Variants in MZT2A observed in about 807,000 individuals in gnomAD.
MZT2A encodes the protein mitotic-spindle organizing protein 2A.
A neutral mutation model predicts 12.4 loss-of-function variants in MZT2A; 8 were observed. That is an observed-to-expected ratio of 0.64 (90% CI 0.38 to 1.16). The LOEUF is 1.16. Ranked by LOEUF, MZT2A falls within the 50% of genes most tolerant of loss-of-function variation. The pLI, the probability that MZT2A is intolerant of heterozygous loss-of-function variation, is 0.01. For synonymous variants in MZT2A, 88 were observed against 107.5 expected, an observed-to-expected ratio of 0.82 and a Z score of 1.12; for missense variants, 181 against 223.6, an observed-to-expected ratio of 0.81 and a Z score of 1.22.
chr2:131,486,868 AT>A (rs1679071711), intron 2 of MZT2A, among the ~76,000 whole-genome samples: 1 of 152,184 alleles, frequency 6.6e-6, no homozygotes, highest in African/African-American at 2.4e-5. Context: ...CATAACTGAT[AT>A]TAAGAAAATC....
upstream of MZT2A, chr2:131,492,746 T>C (rs1032723856): frequency 8.5e-6 from 10 of 1,179,588 alleles, no homozygotes; most frequent in Non-Finnish European, 1.1e-5. Context: ...TGCAATTTTC[T>C]GGTCCGCACC....
At chr2:131,472,327 G>A (rs1395190210) in intron 2 of MZT2A, 1 of 543,386 alleles carries the variant, frequency 1.8e-6, no homozygotes, top group African/African-American at 2.0e-5. Context: ...AAATACACAA[G>A]GCAGCAATAC....
intron 2 of MZT2A, chr2:131,472,253 T>C: frequency 6.7e-6 from 8 of 1,199,554 alleles, no homozygotes; most frequent in Non-Finnish European, 8.7e-6. Flanking sequence ...GTAAATGTTG[T>C]TAGCTGACTT....
chr2:131,483,381 C>A (rs1678924079), downstream of MZT2A, among the ~76,000 whole-genome samples: 1 of 152,178 alleles, frequency 6.6e-6, no homozygotes, highest in East Asian at 1.9e-4. Context: ...GGTCACAACA[C>A]ACCCATGCTG....
At chr2:131,482,681 G>A (rs756867847), downstream of MZT2A, 10 of 1,614,200 alleles carry the variant, frequency 6.2e-6, no homozygotes, top group Middle Eastern at 1.6e-4. Flanking sequence ...CCATAAGTTC[G>A]ATCTCATGTA....
chr2:131,490,987 C>A, intron 2 of MZT2A: 4 of 1,532,024 alleles, frequency 2.6e-6, no homozygotes, highest in Non-Finnish European at 3.5e-6. Context: ...GGTCAGCGGG[C>A]GTGGGTGCCC....
chr2:131,484,815 T>G (rs6745166), intron 2 of MZT2A, among the ~76,000 whole-genome samples: 1,976 of 152,320 alleles, frequency 0.013, 31 homozygotes, highest in Middle Eastern at 0.037. Context: ...CCAGATTCCA[T>G]GACAGGGTTC....
At chr2:131,488,057 T>C (rs1679125068) in intron 2 of MZT2A, among the ~76,000 whole-genome samples, 1 of 152,130 alleles carries the variant, frequency 6.6e-6, no homozygotes, top group Non-Finnish European at 1.5e-5. Context: ...CATTCCCTTT[T>C]GTACCGGTCC....
At chr2:131,492,401 C>G, upstream of MZT2A, 1 of 1,235,776 alleles carries the variant, frequency 8.1e-7, no homozygotes, top group Non-Finnish European at 1.0e-6. Context: ...GAAAGGTGCG[C>G]CCCGCCCCGC....
At chr2:131,476,080 G>C in intron 2 of MZT2A, 1 of 1,527,676 alleles carries the variant, frequency 6.5e-7, no homozygotes, top group Non-Finnish European at 8.8e-7. Context: ...TGGCGGCCTG[G>C]CACCGGCGGG....
intron 2 of MZT2A, among the ~76,000 whole-genome samples, chr2:131,485,124 C>A (rs1679004596): frequency 6.6e-6 from 1 of 152,270 alleles, no homozygotes; most frequent in East Asian, 1.9e-4. Context: ...TTGGCCAGGG[C>A]TCTCCCCTGC....
At chr2:131,488,778 C>T (rs191420186) in intron 2 of MZT2A, among the ~76,000 whole-genome samples, 38 of 152,250 alleles carry the variant, frequency 2.5e-4, no homozygotes, top group Admixed American at 1.0e-3. Flanking sequence ...GCCCTCATGT[C>T]GTGGCTTTCT....
chr2:131,491,768 G>A (rs1679320060), intron 2 of MZT2A, 108 bp downstream of exon 2: 2 of 1,430,834 alleles, frequency 1.4e-6, no homozygotes, highest in Non-Finnish European at 9.3e-7. Flanking sequence ...TAGACCGACC[G>A]ACAGACAGGC....
chr2:131,474,766 G>A (rs189783423), intron 2 of MZT2A, among the ~76,000 whole-genome samples: 1 of 151,914 alleles, frequency 6.6e-6, no homozygotes, highest in Admixed American at 6.6e-5. Flanking sequence ...CAGCCAAGGT[G>A]GGAGGATCCC....
intron 2 of MZT2A, among the ~76,000 whole-genome samples, chr2:131,476,936 C>A (rs547553021): frequency 0.017 from 2,127 of 122,248 alleles, 113 homozygotes; most frequent in African/African-American, 0.08. Flanking sequence ...GCCTCAAAGA[C>A]ACAAACAAAA....
In MZT2A at chr2:131,484,167, C is replaced by T. The variant is rs777626407; in HGVS notation, c.371G>A (p.Arg124His). 3.3e-5 allele frequency: 54 copies of T among 1,613,996 alleles called. No homozygotes were observed. The Admixed American group carries it at 7.0e-4, about 21-fold the overall frequency. The change falls in exon 3 of 3, where the codon CGC (arginine) becomes CAC (histidine). Residue 124 changes from arginine (R) to histidine (H), a missense_variant. Arg to His is a conservative substitution (Grantham distance 29). Transcript: ENST00000309451. The stretch of plus-strand genomic sequence containing the variant: ...CTGGCTGGATCCCTCGTGGTTGCTG[C>T]GTTCCGCCAGGGCCAATACTCCCCC... Reference protein sequence around the residue: ...ALGGVLALAERSNHEGSSQRM... With the variant: ...ALGGVLALAEHSNHEGSSQRM...
At position 131,484,850 on chromosome 2, in the gene MZT2A, CTT is replaced by C. The variant is rs200606526; in HGVS notation, c.320-634_320-633del. Among the ~76,000 whole-genome samples the C allele has an allele frequency of 9.6e-3, 1,464 of 152,348 alleles. 27 individuals carry two copies. Among genetic ancestry groups the C allele is most frequent in the African/African-American group, 0.034 (1,393 of 41,578 alleles). Reference sequence around the variant, plus strand: ...CCTGCCACAGTCTGAACGCTTGAGACTTTCCTTCTGAACACCAGAGGCTCTCT... The same window carrying C: ...CCTGCCACAGTCTGAACGCTTGAGACTCCTTCTGAACACCAGAGGCTCTCT... On this transcript the variant is annotated intron_variant, in intron 2 of 2. Transcript: ENST00000309451.
chr2:131,486,264 T>G (rs1298584149), intron 2 of MZT2A, among the ~76,000 whole-genome samples: 6 of 152,046 alleles, frequency 3.9e-5, no homozygotes, highest in African/African-American at 1.5e-4. Flanking sequence ...CCCCACTGAC[T>G]GGTCAAGGGG....
chr2:131,484,323 T>A, intron 2 of MZT2A, 105 bp from the exon 3 acceptor site: 1 of 1,515,296 alleles, frequency 6.6e-7, no homozygotes, highest in African/African-American at 1.4e-5. Context: ...CACATTTCCA[T>A]CAAAGTCGCT....
Sources: gnomAD v4.1 joint callset for allele counts (sites outside exome capture counted in the v4.1 genomes callset) on GRCh38, gnomAD v4.1.1 for gene constraint, MANE v1.5 for transcripts, NCBI Gene and HGNC (gene_info 2026-07-23, HGNC 2026-07-21) for gene names.